TESMIN: variants seen among roughly 807,000 people sequenced by gnomAD.
The protein encoded by TESMIN is testis expressed metallothionein like protein.
TESMIN carries 34 observed loss-of-function variants against 47.4 expected under a neutral mutation model. The observed-to-expected ratio is 0.72, with a 90% CI of 0.55 to 0.96. The LOEUF (loss-of-function observed/expected upper bound fraction) is 0.96, where lower values mean the gene tolerates loss of function less well. TESMIN is among the 40% of genes least tolerant of loss of function. The pLI, the probability that TESMIN is intolerant of heterozygous loss-of-function variation, is 0.00. For missense variants in TESMIN, 610 were observed against 637.2 expected (o/e 0.96, Z 0.46); for synonymous variants, 278 against 258.9 (o/e 1.07, Z -0.71).
rs1566310800 is a variant in TESMIN at position 68,710,738 on chromosome 11, G to A, written c.1334+136C>T. 6.1e-6 allele frequency: 5 copies of A among 816,176 alleles called. No individual in the cohort carries two copies. The South Asian group carries it at 7.9e-5, about 13-fold the overall frequency. 50.6% of individuals were successfully genotyped at this position (816,176 alleles called of 1,614,324 possible). A position where few individuals can be genotyped will look rare whatever the true frequency, so the allele number is the denominator to read the frequency against. The stretch of plus-strand genomic sequence containing the variant: ...AGGATTAGCCCATGGAGGGAGGAAC[G>A]ACTTCCCTCTGCCCCCAAACACACG... On this transcript the variant is annotated intron_variant, in intron 9 of 9. Transcript: ENST00000255087.
At chr11:68,737,853 C>T in intron 6 of TESMIN, 1 of 862,566 alleles carries the variant, frequency 1.2e-6, no homozygotes, top group South Asian at 5.3e-5. Context: ...GCGGAGGTTG[C>T]AGTGAGCAGA....
intron 6 of TESMIN, among the ~76,000 whole-genome samples, chr11:68,732,187 C>G (rs1454765562): frequency 6.6e-6 from 1 of 152,228 alleles, no homozygotes; most frequent in Non-Finnish European, 1.5e-5. Context: ...CCTGCCAGCA[C>G]TGGACACACT....
intron 5 of TESMIN, among the ~76,000 whole-genome samples, chr11:68,740,168 T>G (rs1289894799): frequency 6.6e-6 from 1 of 152,074 alleles, no homozygotes; most frequent in African/African-American, 2.4e-5. Flanking sequence ...CAAATCTGAT[T>G]CAGGGGGTCT....
At chr11:68,717,340 G>A (rs1400259391) in intron 6 of TESMIN, among the ~76,000 whole-genome samples, 1 of 152,168 alleles carries the variant, frequency 6.6e-6, no homozygotes, top group African/African-American at 2.4e-5. Flanking sequence ...CCAATGTGCA[G>A]CAGACAGGAG....
chr11:68,726,634 G>C (rs900090952), intron 6 of TESMIN, among the ~76,000 whole-genome samples: 1 of 152,254 alleles, frequency 6.6e-6, no homozygotes, highest in East Asian at 1.9e-4. Context: ...AAAAGTGTGA[G>C]TAAGCAACAA....
intron 8 of TESMIN, among the ~76,000 whole-genome samples, chr11:68,712,024 C>T (rs970515296): frequency 3.9e-5 from 6 of 152,266 alleles, no homozygotes; most frequent in African/African-American, 1.4e-4. Context: ...AGAGATGCAT[C>T]TTCAGGGGGA....
Position 68,711,059 on chromosome 11 carries a change from T to C in TESMIN, c.1159-10A>G. 2 of 1,582,938 alleles carry C rather than the reference T, an allele frequency of 1.3e-6. No homozygotes were observed. The highest frequency in any genetic ancestry group is 1.7e-6 in the Non-Finnish European group (2 of 1,165,330). On this transcript the variant is annotated splice_polypyrimidine_tract_variant and intron_variant, in intron 8 of 9. Coordinates refer to ENST00000255087, the MANE Select transcript of TESMIN (RefSeq NM_004923.3). Reference sequence around the variant, plus strand: ...AACACATAATTTGGGCCTGGTAATATAAAATGCTTCAATAAAATTAGGTTG... The same window carrying C: ...AACACATAATTTGGGCCTGGTAATACAAAATGCTTCAATAAAATTAGGTTG...
At chr11:68,744,856 TA>T in intron 4 of TESMIN, 134 bp downstream of exon 4, 1 of 644,654 alleles carries the variant, frequency 1.6e-6, no homozygotes, top group Non-Finnish European at 2.5e-6. Flanking sequence ...CTTAGCTTAC[TA>T]ATATGGACTA....
intron 6 of TESMIN, among the ~76,000 whole-genome samples, chr11:68,732,131 T>C (rs543632737): frequency 3.9e-5 from 6 of 152,300 alleles, no homozygotes; most frequent in Admixed American, 3.9e-4. Flanking sequence ...CACACAGCAC[T>C]TCGTGGAGAA....
chr11:68,738,506 C>G, intron 6 of TESMIN, 194 bp downstream of exon 6: 1 of 1,380,820 alleles, frequency 7.2e-7, no homozygotes, highest in Non-Finnish European at 9.4e-7. Flanking sequence ...TTTCCAGCAG[C>G]CTTTGCAGCC....
In TESMIN at chr11:68,747,350, G is replaced by C; in HGVS notation, c.488C>G (p.Ala163Gly). ...VRMIPVEIKE[A>G]GGTTTSNNPE... ...ATTATTACTTGTAGTAGTACCACCT[G>C]CTTCCTTGATTTCAACCTAGAAAAA... The change falls in exon 3 of 10, where the codon GCA (alanine) becomes GGA (glycine). Residue 163 changes from alanine to glycine, a missense_variant. Transcript: ENST00000255087. 1 of 1,612,508 alleles carries C rather than the reference G, an allele frequency of 6.2e-7. No individual in the cohort carries two copies. Among genetic ancestry groups the C allele is most frequent in the Non-Finnish European group, 8.5e-7 (1 of 1,178,552 alleles).
At chr11:68,711,441 G>C (rs1387177243) in intron 8 of TESMIN, among the ~76,000 whole-genome samples, 1 of 88,802 alleles carries the variant, frequency 1.1e-5, no homozygotes, top group African/African-American at 3.3e-5. Context: ...GTGCGTTTGA[G>C]AGTGTGTGTG....
Position 68,750,703 on chromosome 11 carries a change from C to A in TESMIN, c.-39-4G>T. 1 of 1,359,896 alleles carries A rather than the reference C, an allele frequency of 7.4e-7. No homozygotes were observed. The highest frequency in any genetic ancestry group is 2.7e-5 in the Admixed American group (1 of 36,368). The allele number at this position is 1,359,896 out of a possible 1,614,324, so 84.2% of individuals were successfully genotyped here. On this transcript the variant is annotated splice_polypyrimidine_tract_variant and splice_region_variant and intron_variant, in intron 1 of 9. Transcript: ENST00000255087. Reference sequence around the variant, plus strand: ...CGGGATGGCGGGGGCCGCGCACCTGCAACACGCGGCCAGGTGAGAGGCAGC... The same window carrying A: ...CGGGATGGCGGGGGCCGCGCACCTGAAACACGCGGCCAGGTGAGAGGCAGC...
intron 2 of TESMIN, among the ~76,000 whole-genome samples, chr11:68,749,709 T>C (rs1408460781): frequency 6.6e-6 from 1 of 152,016 alleles, no homozygotes. Flanking sequence ...AAAATCCAAG[T>C]ATTAACTCTG....
At position 68,739,827 on chromosome 11, in the gene TESMIN, A is replaced by G. The variant is rs1946435532; in HGVS notation, c.829-1039T>C. 2.0e-5 allele frequency among the ~76,000 whole-genome samples: 3 copies of G among 152,216 alleles called. No homozygotes were observed. The South Asian group carries it at 6.2e-4, about 32-fold the overall frequency. On this transcript the variant is annotated intron_variant, in intron 5 of 9. Coordinates refer to ENST00000255087, the MANE Select transcript of TESMIN (RefSeq NM_004923.3). ...GTGTCCCTTTTGCCCTCACCTGGACACCTAATTGTTAGGCCCCTGTCTTCA... is the reference window on the plus strand; with the variant it reads ...GTGTCCCTTTTGCCCTCACCTGGACGCCTAATTGTTAGGCCCCTGTCTTCA...
intron 6 of TESMIN, chr11:68,737,151 ATT>A: frequency 7.1e-6 from 7 of 985,412 alleles, no homozygotes; most frequent in Non-Finnish European, 8.4e-6. Flanking sequence ...AGCTGAAGTC[ATT>A]TTTGTTTGGT....
Position 68,717,575 on chromosome 11 carries a change from A to G in TESMIN, c.918-1636T>C, listed in dbSNP as rs978981415. The stretch of plus-strand genomic sequence containing the variant: ...GACAGTGACAGAAGATTTGGACACC[A>G]GATAGCAGAGGGGCGAGAGAACTGG... On this transcript the variant is annotated intron_variant, in intron 6 of 9. Transcript: ENST00000255087. Among the ~76,000 whole-genome samples, 114 of 152,232 alleles carry G rather than the reference A, an allele frequency of 7.5e-4. 7 individuals are homozygous for G. The highest frequency in any genetic ancestry group is 2.4e-5 in the African/African-American group (1 of 41,454).
rs996370050 is a variant in TESMIN, at chr11:68,708,043, C to T, written c.*265G>A. ...TCCCCTGCCCTGCTCTGCCCTCCGC[C>T]GCCCTGCAGACACTCTCCCAGGACT... On this transcript the variant is annotated 3_prime_UTR_variant, in exon 10 of 10. Coordinates refer to ENST00000255087, the MANE Select transcript of TESMIN (RefSeq NM_004923.3). 1.9e-5 allele frequency: 9 copies of T among 476,162 alleles called. No individual in the cohort carries two copies. The highest frequency in any genetic ancestry group is 1.2e-4 in the African/African-American group (6 of 51,080). The allele number at this position is 476,162 out of a possible 1,614,324, so 29.5% of individuals were successfully genotyped here. A position where few individuals can be genotyped will look rare whatever the true frequency, so the allele number is the denominator to read the frequency against.
chr11:68,744,010 G>A (rs1946489997), intron 4 of TESMIN, among the ~76,000 whole-genome samples: 1 of 152,210 alleles, frequency 6.6e-6, no homozygotes, highest in African/African-American at 2.4e-5. Flanking sequence ...CTCCCTGCCT[G>A]TAGAGATCAG....
Sources: gnomAD v4.1 joint callset for allele counts (sites outside exome capture counted in the v4.1 genomes callset) on GRCh38, gnomAD v4.1.1 for gene constraint, MANE v1.5 for transcripts, NCBI Gene and HGNC (gene_info 2026-07-23, HGNC 2026-07-21) for gene names.